The following CNTN1 variants were observed in gnomAD, a reference collection of about 807,000 sequenced individuals.
CNTN1 encodes contactin 1.
In CNTN1, 38 loss-of-function variants were observed where a neutral mutation model predicts 126.4. The ratio of observed to expected loss-of-function variants is 0.30; its 90% CI spans 0.23 to 0.39. The LOEUF (loss-of-function observed/expected upper bound fraction) is 0.39. Ranked by LOEUF, CNTN1 falls within the 10% of genes least tolerant of loss-of-function variation. The probability of loss-of-function intolerance (pLI) is 1.00; values close to 1 mark genes in which losing one functional copy is unlikely to be tolerated. For synonymous variants in CNTN1, 413 were observed against 422.6 expected (o/e 0.98, Z 0.28); for missense variants, 1,009 against 1,248.4 (o/e 0.81, Z 2.89).
At position 40,864,753 on chromosome 12, in the gene CNTN1, G is replaced by A. The variant is rs532573697; in HGVS notation, c.-76-43604G>A. Among the ~76,000 whole-genome samples, 8 of 152,212 alleles carry A rather than the reference G, an allele frequency of 5.3e-5. 1 individual carries two copies. The East Asian group carries it at 1.4e-3, about 26-fold the overall frequency. On this transcript the variant is annotated intron_variant, in intron 1 of 23. Coordinates refer to ENST00000551295, the MANE Select transcript of CNTN1 (RefSeq NM_001843.4). ...TCCGTTCATTAGCTGATGGACATTT[G>A]AGTTGTTTATGCTTTTTGGCTATTA...
chr12:40,717,639 A>G (rs73110834), intron 1 of CNTN1, among the ~76,000 whole-genome samples: 1,783 of 152,322 alleles, frequency 0.012, 24 homozygotes, highest in African/African-American at 0.04. Flanking sequence ...AGTTTCTTGA[A>G]GGAGCCTTAT....
At position 40,865,425 on chromosome 12, in the gene CNTN1, G is replaced by A. The variant is rs74630235; in HGVS notation, c.-76-42932G>A. Among the ~76,000 whole-genome samples, 223 of 152,098 alleles carry A rather than the reference G, an allele frequency of 1.5e-3. 3 individuals are homozygous for A. The highest frequency in any genetic ancestry group is 4.8e-3 in the African/African-American group (200 of 41,530). On this transcript the variant is annotated intron_variant, in intron 1 of 23. Transcript: ENST00000551295. ...TATGTAAGAAATTTTGGCCTAACTC[G>A]TGGTCAAAGATTTACTCCTATGCTT...
At chr12:40,978,231 T>G (rs1947732725) in intron 15 of CNTN1, among the ~76,000 whole-genome samples, 2 of 152,156 alleles carry the variant, frequency 1.3e-5, no homozygotes, top group Non-Finnish European at 2.9e-5. Context: ...TCTATCTTAA[T>G]TCTAAAATCC....
chr12:41,055,688 C>T (rs551567827), intron 23 of CNTN1, among the ~76,000 whole-genome samples: 16 of 152,202 alleles, frequency 1.1e-4, no homozygotes, highest in African/African-American at 3.4e-4. Context: ...AACTGAGAAG[C>T]AATCCTAAAG....
intron 14 of CNTN1, among the ~76,000 whole-genome samples, chr12:40,946,851 C>A (rs183903843): frequency 6.6e-6 from 1 of 151,882 alleles, no homozygotes; most frequent in Non-Finnish European, 1.5e-5. Flanking sequence ...TTTCACAGCC[C>A]GGTGTAATTT....
intron 1 of CNTN1, among the ~76,000 whole-genome samples, chr12:40,806,679 T>C (rs1295797640): frequency 1.3e-5 from 2 of 152,174 alleles, no homozygotes; most frequent in Non-Finnish European, 2.9e-5. Flanking sequence ...CTATTTCAGA[T>C]TGACATGGTA....
chr12:40,715,273 T>C (rs2121186068), intron 1 of CNTN1, among the ~76,000 whole-genome samples: 1 of 152,278 alleles, frequency 6.6e-6, no homozygotes. Context: ...GAGAGCCTCC[T>C]TTGGGTACCA....
intron 15 of CNTN1, among the ~76,000 whole-genome samples, chr12:40,962,650 C>A (rs1947146032): frequency 6.6e-6 from 1 of 152,038 alleles, no homozygotes; most frequent in Admixed American, 6.6e-5. Context: ...AAGATATGAA[C>A]TATTGTAATT....
intron 23 of CNTN1, among the ~76,000 whole-genome samples, chr12:41,047,743 A>G (rs1185878143): frequency 6.6e-6 from 1 of 152,084 alleles, no homozygotes; most frequent in Non-Finnish European, 1.5e-5. Flanking sequence ...GATACAATGT[A>G]GGCATAAATG....
chr12:40,711,027 T>A (rs542191956), intron 1 of CNTN1, among the ~76,000 whole-genome samples: 1 of 152,166 alleles, frequency 6.6e-6, no homozygotes, highest in African/African-American at 2.4e-5. Flanking sequence ...AGGTGTAATA[T>A]CTTAGTTAAA....
chr12:40,918,752 A>G lies in CNTN1; in HGVS notation c.208A>G (p.Ser70Gly). The G allele has an allele frequency of 1.9e-6, 3 of 1,613,786 alleles. No individual in the cohort carries two copies. The highest frequency in any genetic ancestry group is 2.5e-6 in the Non-Finnish European group (3 of 1,179,700). The part of the protein sequence containing the change: ...KVSLNCRARA[S>G]PFPVYKWRMN... ...CTCACTCAACTGTAGGGCACGAGCC[A>G]GCCCTTTCCCGGTTTACAAGTAATG... Residue 70 changes from serine to glycine, a missense_variant, in exon 4 of 24, where the codon AGC (serine) becomes GGC (glycine). Physicochemically the swap from Ser to Gly is moderately conservative, Grantham distance 56. Transcript: ENST00000551295.
At chr12:40,769,282 A>G (rs1592066554) in intron 1 of CNTN1, among the ~76,000 whole-genome samples, 1 of 152,156 alleles carries the variant, frequency 6.6e-6, no homozygotes, top group Admixed American at 6.5e-5. Context: ...TCTGAAACAC[A>G]TGAGCAATTG....
chr12:40,780,937 C>G (rs1195883827), intron 1 of CNTN1, among the ~76,000 whole-genome samples: 3 of 147,122 alleles, frequency 2.0e-5, no homozygotes, highest in African/African-American at 7.5e-5. Context: ...TTTTTAATTT[C>G]TAAGGGTGAT....
chr12:40,812,139 T>G (rs1191192578), intron 1 of CNTN1, among the ~76,000 whole-genome samples: 1 of 152,134 alleles, frequency 6.6e-6, no homozygotes, highest in Non-Finnish European at 1.5e-5. Context: ...TTTTGATTTC[T>G]TTGACTCATT....
At chr12:40,922,830 G>T (rs1945495980) in intron 5 of CNTN1, among the ~76,000 whole-genome samples, 1 of 151,982 alleles carries the variant, frequency 6.6e-6, no homozygotes, top group Admixed American at 6.6e-5. Context: ...AATTAGCTGG[G>T]CGTTGTGGTG....
Position 40,721,675 on chromosome 12 carries a change from A to T in CNTN1, c.-77+29083A>T, listed in dbSNP as rs547282453. On this transcript the variant is annotated intron_variant, in intron 1 of 23. Transcript: ENST00000551295. ...ATTAACTCGTCATTTAGCATTAGGT[A>T]TATCTCCTAATGCTATCCCTCCCCC... Among the ~76,000 whole-genome samples the T allele has an allele frequency of 1.6e-4, 23 of 139,824 alleles. No homozygotes were observed. In the East Asian group the frequency reaches 4.7e-3, roughly 29 times the overall value. 91.7% of individuals were successfully genotyped at this position (139,824 alleles called of 152,430 possible).
At chr12:40,808,779 G>A (rs545409178) in intron 1 of CNTN1, among the ~76,000 whole-genome samples, 17 of 151,926 alleles carry the variant, frequency 1.1e-4, no homozygotes, top group Non-Finnish European at 1.5e-4. Flanking sequence ...GAATATTTGC[G>A]AAAGAAAGAG....
At chr12:40,799,706 G>A (rs1242141458) in intron 1 of CNTN1, among the ~76,000 whole-genome samples, 1 of 151,956 alleles carries the variant, frequency 6.6e-6, no homozygotes, top group Non-Finnish European at 1.5e-5. Context: ...ATAAAGCATG[G>A]TGACAGCTTG....
At chr12:40,841,992 A>T (rs535460698) in intron 1 of CNTN1, among the ~76,000 whole-genome samples, 9 of 151,896 alleles carry the variant, frequency 5.9e-5, no homozygotes, top group Admixed American at 1.3e-4. Context: ...ATTTATACAA[A>T]TTTTTTTTAA....
Sources: allele counts gnomAD v4.1 joint callset (sites outside exome capture counted in the v4.1 genomes callset), GRCh38; gene constraint gnomAD v4.1.1; transcripts MANE v1.5; gene names NCBI Gene and HGNC (gene_info 2026-07-23, HGNC 2026-07-21).